CCSER1: variants seen among roughly 807,000 people sequenced by gnomAD.
CCSER1 encodes serine-rich coiled-coil domain-containing protein 1.
A neutral mutation model predicts 82.0 loss-of-function variants in CCSER1; 41 were observed. The ratio of observed to expected loss-of-function variants is 0.50; its 90% confidence interval spans 0.39 to 0.65. CCSER1 has a LOEUF of 0.65. Ranked by LOEUF, CCSER1 falls within the 30% of genes least tolerant of loss-of-function variation. The pLI is 0.00. For synonymous variants in CCSER1, 414 were observed against 383.9 expected, an observed-to-expected ratio of 1.08 and a Z score of -0.92; for missense variants, 1,119 against 1,064.2, an observed-to-expected ratio of 1.05 and a Z score of -0.72.
At chr4:91,543,624 T>C (rs1158743026) in intron 10 of CCSER1, among the ~76,000 whole-genome samples, 1 of 152,190 alleles carries the variant, frequency 6.6e-6, no homozygotes, top group Non-Finnish European at 1.5e-5. Context: ...TGTTGAATAT[T>C]GGCCCCCACT....
intron 3 of CCSER1, among the ~76,000 whole-genome samples, chr4:90,361,398 C>T (rs1347440703): frequency 6.6e-6 from 1 of 152,178 alleles, no homozygotes; most frequent in Non-Finnish European, 1.5e-5. Context: ...TTACTTTCTT[C>T]TATTTGTCCT....
intron 10 of CCSER1, among the ~76,000 whole-genome samples, chr4:91,284,974 GA>G (rs1401524358): frequency 1.3e-5 from 2 of 151,806 alleles, no homozygotes; most frequent in Non-Finnish European, 2.9e-5. Context: ...CCTTTCTAAT[GA>G]AAAAATTTTG....
chr4:90,670,292 A>C (rs965544495), intron 6 of CCSER1, among the ~76,000 whole-genome samples: 16 of 152,094 alleles, frequency 1.1e-4, no homozygotes, highest in African/African-American at 3.4e-4. Context: ...TTGAGACAGG[A>C]TTTCAGTTGC....
At chr4:91,035,287 C>T (rs910019425) in intron 9 of CCSER1, among the ~76,000 whole-genome samples, 2 of 151,858 alleles carry the variant, frequency 1.3e-5, no homozygotes, top group African/African-American at 4.8e-5. Flanking sequence ...ATGGGAGTCA[C>T]ATACAAGAAA....
intron 10 of CCSER1, among the ~76,000 whole-genome samples, chr4:91,159,862 T>C (rs1731200416): frequency 6.6e-6 from 1 of 151,938 alleles, no homozygotes; most frequent in Non-Finnish European, 1.5e-5. Context: ...TGAATAAATA[T>C]ATTATGAAAT....
At chr4:90,853,331 A>G (rs1764094023) in intron 8 of CCSER1, among the ~76,000 whole-genome samples, 1 of 152,138 alleles carries the variant, frequency 6.6e-6, no homozygotes, top group African/African-American at 2.4e-5. Flanking sequence ...GTAAATAAAA[A>G]CAAAAATCTT....
chr4:91,192,791 T>C (rs1347838681), intron 10 of CCSER1, among the ~76,000 whole-genome samples: 2 of 152,194 alleles, frequency 1.3e-5, no homozygotes, highest in Non-Finnish European at 2.9e-5. Context: ...ATCCAGATTA[T>C]TTATTTTTTA....
chr4:90,824,988 A>G (rs1760220803), intron 8 of CCSER1, among the ~76,000 whole-genome samples: 1 of 152,172 alleles, frequency 6.6e-6, no homozygotes, highest in Admixed American at 6.5e-5. Context: ...ATGTGACAGT[A>G]TCCTATGATA....
intron 10 of CCSER1, among the ~76,000 whole-genome samples, chr4:91,508,191 A>G (rs1165437603): frequency 1.0e-5 from 1 of 96,754 alleles, no homozygotes; most frequent in African/African-American, 3.9e-5. Flanking sequence ...CTGATCTTGG[A>G]AGAAGAATTT....
chr4:90,787,600 G>T, intron 7 of CCSER1, among the ~76,000 whole-genome samples: 1 of 152,142 alleles, frequency 6.6e-6, no homozygotes, highest in East Asian at 1.9e-4. Context: ...AGGCACAGAT[G>T]GAATGGAGAT....
chr4:90,757,756 G>A (rs1749765175), intron 7 of CCSER1, among the ~76,000 whole-genome samples: 1 of 152,078 alleles, frequency 6.6e-6, no homozygotes, highest in Admixed American at 6.5e-5. Flanking sequence ...AGTTTTAACA[G>A]TAGGGAAGTA....
At chr4:91,071,759 G>A (rs1246278462) in intron 9 of CCSER1, among the ~76,000 whole-genome samples, 2 of 151,530 alleles carry the variant, frequency 1.3e-5, no homozygotes, top group Non-Finnish European at 2.9e-5. Context: ...CAAAATAATT[G>A]CCTTATGATG....
intron 9 of CCSER1, among the ~76,000 whole-genome samples, chr4:91,022,768 GA>G (rs1185835445): frequency 2.0e-5 from 3 of 152,172 alleles, no homozygotes; most frequent in Non-Finnish European, 2.9e-5. Flanking sequence ...CAGTGATGAT[GA>G]GCATTTTTTC....
chr4:90,876,125 C>T (rs189759912), intron 8 of CCSER1, among the ~76,000 whole-genome samples: 2 of 152,016 alleles, frequency 1.3e-5, no homozygotes, highest in East Asian at 1.9e-4. Flanking sequence ...AATGATTGCC[C>T]CCTTTTTCCC....
intron 6 of CCSER1, among the ~76,000 whole-genome samples, chr4:90,704,988 C>T (rs995406440): frequency 6.6e-6 from 1 of 152,172 alleles, no homozygotes; most frequent in Non-Finnish European, 1.5e-5. Context: ...AAGTCATTCT[C>T]CATCCAGCTT....
chr4:90,151,634 C>T (rs1008954227), intron 1 of CCSER1, among the ~76,000 whole-genome samples: 1 of 151,988 alleles, frequency 6.6e-6, no homozygotes, highest in Non-Finnish European at 1.5e-5. Context: ...ACTAATGATA[C>T]AAAGAGTACA....
intron 10 of CCSER1, among the ~76,000 whole-genome samples, chr4:91,376,906 C>CCCTTCCCT (rs1553930099): frequency 6.7e-6 from 1 of 150,008 alleles, no homozygotes; most frequent in African/African-American, 2.5e-5. Flanking sequence ...ATCCCTCCCC[C>CCCTTCCCT]CACCCAGGAC....
intron 8 of CCSER1, among the ~76,000 whole-genome samples, chr4:90,893,785 G>A (rs1402418065): frequency 2.4e-5 from 3 of 126,926 alleles, no homozygotes; most frequent in Non-Finnish European, 3.6e-5. Flanking sequence ...GCGTGTGTGT[G>A]TGTGTGTGGG....
intron 1 of CCSER1, among the ~76,000 whole-genome samples, chr4:90,151,612 G>A (rs898991642): frequency 6.6e-6 from 1 of 151,984 alleles, no homozygotes; most frequent in Non-Finnish European, 1.5e-5. Flanking sequence ...AATACTTTGT[G>A]TGATTAAGAA....
Sources: gnomAD v4.1 joint callset for allele counts (sites outside exome capture counted in the v4.1 genomes callset) on GRCh38, gnomAD v4.1.1 for gene constraint, MANE v1.5 for transcripts, NCBI Gene and HGNC (gene_info 2026-07-23, HGNC 2026-07-21) for gene names.